Variants in LRR1 observed in about 807,000 individuals in gnomAD.
The protein encoded by LRR1 is leucine rich repeat protein 1, also known as leucine-rich repeat protein 1.
A neutral mutation model predicts 31.6 loss-of-function variants in LRR1; 29 were observed. The observed-to-expected ratio is 0.92, with a 90% CI of 0.68 to 1.25. LRR1 has a LOEUF of 1.25. Among genes scored for constraint, LRR1 ranks in the 50% most tolerant of loss-of-function variants. The pLI is 0.00. For missense variants in LRR1, 485 were observed against 487.2 expected, an observed-to-expected ratio of 1.00 and a Z score of 0.04; for synonymous variants, 179 against 181.4, an observed-to-expected ratio of 0.99 and a Z score of 0.10.
At chr14:49,609,839 T>G (rs1032078133) in intron 3 of LRR1, among the ~76,000 whole-genome samples, 3 of 152,120 alleles carry the variant, frequency 2.0e-5, no homozygotes, top group Admixed American at 6.6e-5. Context: ...TCCGAGTAGC[T>G]GGGATTACAA....
chr14:49,606,018 A>T (rs936682658), intron 2 of LRR1, among the ~76,000 whole-genome samples: 3 of 148,302 alleles, frequency 2.0e-5, no homozygotes, highest in Admixed American at 1.4e-4. Flanking sequence ...AACAAAAATT[A>T]GCTTTTTTTT....
rs551241213 is a variant in LRR1, at chr14:49,606,378, G to C, written c.283-1022G>C. Among the ~76,000 whole-genome samples the C allele has an allele frequency of 9.9e-5, 15 of 151,838 alleles. No homozygotes were observed. The South Asian group carries it at 2.9e-3, about 29-fold the overall frequency. ...TTTGAGACCGAGTTTCACTTGTGTC[G>C]CCCAGGCTGGAGTGCAGTGGCGCGA... On this transcript the variant is annotated intron_variant, in intron 2 of 3. Transcript: ENST00000298288.
Sources: gnomAD v4.1 joint callset for allele counts (sites outside exome capture counted in the v4.1 genomes callset) on GRCh38, gnomAD v4.1.1 for gene constraint, MANE v1.5 for transcripts, NCBI Gene and HGNC (gene_info 2026-07-23, HGNC 2026-07-21) for gene names.